The following FAM3D variants were observed in gnomAD, a reference collection of about 807,000 sequenced individuals.
FAM3D encodes FAM3 metabolism regulating signaling molecule D.
FAM3D carries 26 observed loss-of-function variants against 29.8 expected under a neutral mutation model. That is an observed-to-expected ratio of 0.87 (90% CI 0.64 to 1.21). The LOEUF (loss-of-function observed/expected upper bound fraction) is 1.21. Among genes scored for constraint, FAM3D ranks in the 50% most tolerant of loss-of-function variants. The pLI is 0.00. For missense variants in FAM3D, 253 were observed against 290.9 expected (o/e 0.87, Z 0.95); for synonymous variants, 115 against 102.3 (o/e 1.12, Z -0.75).
chr3:58,663,335 G>C (rs926001214), intron 1 of FAM3D, among the ~76,000 whole-genome samples: 15 of 152,214 alleles, frequency 9.9e-5, no homozygotes, highest in African/African-American at 3.4e-4. Flanking sequence ...TCTGAGCATA[G>C]AACAACATGG....
intron 1 of FAM3D, 65 bp downstream of exon 1, chr3:58,666,511 A>C (rs1340796745): frequency 6.7e-6 from 1 of 149,442 alleles, no homozygotes. Context: ...CCCCACCTCC[A>C]TTTTCCCCTC....
chr3:58,645,950 G>C (rs1018490518), intron 4 of FAM3D, among the ~76,000 whole-genome samples: 1 of 152,186 alleles, frequency 6.6e-6, no homozygotes, highest in Non-Finnish European at 1.5e-5. Context: ...ACTCTCCTGA[G>C]AACCTCTCGT....
At chr3:58,636,902 A>G (rs368271327) in intron 8 of FAM3D, among the ~76,000 whole-genome samples, 96 of 152,248 alleles carry the variant, frequency 6.3e-4, no homozygotes, top group African/African-American at 2.0e-3. Flanking sequence ...CGTATGTCAT[A>G]GTTTCTGTAG....
At chr3:58,656,112 G>A (rs976261905) in intron 1 of FAM3D, among the ~76,000 whole-genome samples, 4 of 152,118 alleles carry the variant, frequency 2.6e-5, no homozygotes, top group African/African-American at 9.7e-5. Flanking sequence ...AGCCAGCCAG[G>A]GAGGTTGAGC....
intron 4 of FAM3D, among the ~76,000 whole-genome samples, chr3:58,648,383 G>A (rs1038789006): frequency 4.6e-5 from 7 of 152,166 alleles, no homozygotes; most frequent in East Asian, 1.9e-4. Flanking sequence ...AGAAGGAAAT[G>A]GAGAGGGCCT....
At chr3:58,639,422 G>A (rs537110459) in intron 7 of FAM3D, among the ~76,000 whole-genome samples, 1 of 152,336 alleles carries the variant, frequency 6.6e-6, no homozygotes, top group East Asian at 1.9e-4. Context: ...TCTGACACCG[G>A]AGACTGGACG....
intron 5 of FAM3D, among the ~76,000 whole-genome samples, chr3:58,643,978 T>TTGGAGGTGG (rs1418245571): frequency 6.6e-6 from 1 of 152,096 alleles, no homozygotes; most frequent in Non-Finnish European, 1.5e-5. Flanking sequence ...CTCTGAGGTG[T>TTGGAGGTGG]TGGAGGTGGG....
chr3:58,661,191 G>C (rs13059563), intron 1 of FAM3D, among the ~76,000 whole-genome samples: 121,630 of 152,186 alleles, frequency 0.8, 49,955 homozygotes, highest in Non-Finnish European at 0.9. Context: ...TTGCCCACCT[G>C]TGCCCTGGGT....
At position 58,651,356 on chromosome 3, in the gene FAM3D, T is replaced by C. The variant is rs1471627777; in HGVS notation, c.122-2018A>G. Among the ~76,000 whole-genome samples, 3 of 152,198 alleles carry C rather than the reference T, an allele frequency of 2.0e-5. No individual in the cohort carries two copies. The South Asian group carries it at 6.2e-4, about 32-fold the overall frequency. On this transcript the variant is annotated intron_variant, in intron 3 of 9. Coordinates refer to ENST00000358781, the MANE Select transcript of FAM3D (RefSeq NM_138805.3). The stretch of plus-strand genomic sequence containing the variant: ...TCAGGTTAGGAACCTCTGAAGTAAA[T>C]GAAAATTACTCCCTTCAGTGCTGAA...
intron 3 of FAM3D, among the ~76,000 whole-genome samples, chr3:58,650,228 A>G (rs1023694967): frequency 6.6e-6 from 1 of 152,102 alleles, no homozygotes; most frequent in Admixed American, 6.5e-5. Context: ...CCCAACACTT[A>G]CACGCTTTCC....
intron 5 of FAM3D, among the ~76,000 whole-genome samples, chr3:58,644,998 G>A (rs1453812303): frequency 1.3e-5 from 2 of 152,228 alleles, no homozygotes; most frequent in Admixed American, 6.5e-5. Flanking sequence ...TTCTTTCATA[G>A]GTTGCACTTG....
chr3:58,649,417 G>GGGGGCTT (rs1219575498), intron 3 of FAM3D, 79 bp from the exon 4 acceptor site: 1 of 1,563,648 alleles, frequency 6.4e-7, no homozygotes, highest in East Asian at 2.3e-5. Flanking sequence ...GCTGGGGGCT[G>GGGGGCTT]GGGAGTGGGA....
At chr3:58,652,582 TCCATCTAC>T (rs1463368492) in intron 3 of FAM3D, among the ~76,000 whole-genome samples, 2 of 151,246 alleles carry the variant, frequency 1.3e-5, no homozygotes, top group African/African-American at 2.4e-5. Flanking sequence ...CACCCTTCCC[TCCATCTAC>T]CCATCTACCC....
intron 3 of FAM3D, among the ~76,000 whole-genome samples, chr3:58,650,894 C>T (rs917375928): frequency 6.6e-6 from 1 of 151,874 alleles, no homozygotes; most frequent in Admixed American, 6.6e-5. Flanking sequence ...ATTTTTTGTA[C>T]TTTTAGTAGA....
chr3:58,659,944 G>A (rs769954104), intron 1 of FAM3D, among the ~76,000 whole-genome samples: 8 of 152,172 alleles, frequency 5.3e-5, no homozygotes, highest in Non-Finnish European at 1.0e-4. Context: ...GACAGAGTGT[G>A]GTCACCAGAG....
chr3:58,639,004 C>A (rs2066252774), intron 7 of FAM3D, among the ~76,000 whole-genome samples: 1 of 152,232 alleles, frequency 6.6e-6, no homozygotes. Context: ...AAGCCATCAT[C>A]CCCTTTTGTT....
At chr3:58,661,176 G>A (rs928256066) in intron 1 of FAM3D, among the ~76,000 whole-genome samples, 1 of 152,232 alleles carries the variant, frequency 6.6e-6, no homozygotes, top group Non-Finnish European at 1.5e-5. Context: ...CCTGCGGGCT[G>A]TTGTTTGCCC....
At chr3:58,638,591 A>C (rs2066240827) in intron 7 of FAM3D, among the ~76,000 whole-genome samples, 1 of 152,220 alleles carries the variant, frequency 6.6e-6, no homozygotes, top group South Asian at 2.1e-4. Flanking sequence ...TTTAATAAAA[A>C]ATGATTAAGT....
At chr3:58,639,136 C>A (rs776517133) in intron 7 of FAM3D, among the ~76,000 whole-genome samples, 3 of 151,870 alleles carry the variant, frequency 2.0e-5, no homozygotes, top group African/African-American at 4.8e-5. Flanking sequence ...GCTTTTTTTC[C>A]TTTTCATTCT....
Sources: gnomAD v4.1 joint callset for allele counts (sites outside exome capture counted in the v4.1 genomes callset) on GRCh38, gnomAD v4.1.1 for gene constraint, MANE v1.5 for transcripts, NCBI Gene and HGNC (gene_info 2026-07-23, HGNC 2026-07-21) for gene names.